DDX1: variants seen among roughly 807,000 people sequenced by gnomAD.
The protein encoded by DDX1 is ATP-dependent RNA helicase DDX1.
Under a neutral mutation model 108.7 loss-of-function variants are expected in DDX1, and 28 were observed. The ratio of observed to expected loss-of-function variants is 0.26; its 90% CI spans 0.19 to 0.35. The LOEUF is 0.35. DDX1 is among the 10% of genes least tolerant of loss of function. The probability of loss-of-function intolerance (pLI) is 1.00; values close to 1 mark genes in which losing one functional copy is unlikely to be tolerated. For synonymous variants in DDX1, 295 were observed against 288.9 expected, an observed-to-expected ratio of 1.02 and a Z score of -0.21; for missense variants, 710 against 884.5, an observed-to-expected ratio of 0.80 and a Z score of 2.50.
Position 15,591,931 on chromosome 2 carries a change from A to G in DDX1, c.-3A>G. 1 of 1,449,876 alleles carries G rather than the reference A, an allele frequency of 6.9e-7. No individual in the cohort carries two copies. Among genetic ancestry groups the G allele is most frequent in the Non-Finnish European group, 9.1e-7 (1 of 1,101,142 alleles). 89.8% of individuals were successfully genotyped at this position (1,449,876 alleles called of 1,614,324 possible). ...AGGCGAAGCCGCGGAGGACGGGGTGAAGATGGCGGCCTTCTCCGGTGCGTT... is the reference window on the plus strand; with the variant it reads ...AGGCGAAGCCGCGGAGGACGGGGTGGAGATGGCGGCCTTCTCCGGTGCGTT... On this transcript the variant is annotated 5_prime_UTR_variant, in exon 1 of 26. Coordinates refer to ENST00000233084, the MANE Select transcript of DDX1 (RefSeq NM_004939.3).
At position 15,611,458 on chromosome 2, in the gene DDX1, C is replaced by T. The variant is rs1193569324; in HGVS notation, c.957-1766C>T. On this transcript the variant is annotated intron_variant, in intron 13 of 25. Coordinates refer to ENST00000233084, the MANE Select transcript of DDX1 (RefSeq NM_004939.3). ...GGGGCTCCTCACCTCCCAGTAGGGA[C>T]GGCCGGGCAGAGGCTCCCCCCACCT... Among the ~76,000 whole-genome samples, 1,408 of 142,866 alleles carry T rather than the reference C, an allele frequency of 9.9e-3. 26 individuals carry two copies. Among genetic ancestry groups the T allele is most frequent in the East Asian group, 0.093 (329 of 3,546 alleles). 93.7% of individuals were successfully genotyped at this position (142,866 alleles called of 152,430 possible). A position where few individuals can be genotyped will look rare whatever the true frequency, so the allele number is the denominator to read the frequency against.
Position 15,617,241 on chromosome 2 carries a change from CA to C in DDX1, c.1018-2del. 6.5e-7 allele frequency: 1 copy of C among 1,526,932 alleles called. No individual in the cohort carries two copies. Among genetic ancestry groups the C allele is most frequent in the Non-Finnish European group, 8.9e-7 (1 of 1,126,924 alleles). 94.6% of individuals were successfully genotyped at this position (1,526,932 alleles called of 1,614,324 possible). A position where few individuals can be genotyped will look rare whatever the true frequency, so the allele number is the denominator to read the frequency against. On this transcript the variant is annotated splice_acceptor_variant, in intron 14 of 25. Coordinates refer to ENST00000233084, the MANE Select transcript of DDX1 (RefSeq NM_004939.3). LOFTEE classifies it high-confidence loss of function. ...ATTAAGTGGTTGGTTTGCTTTTTTT[CA>C]GGTAGATATAGTTGTAGGTACTCCG...
chr2:15,601,251 A>G (rs1665585187), intron 6 of DDX1, among the ~76,000 whole-genome samples: 1 of 152,126 alleles, frequency 6.6e-6, no homozygotes. Context: ...TAACAGACAC[A>G]TGTTTGTTTA....
Position 15,613,211 on chromosome 2 carries a change from A to C in DDX1, c.957-13A>C, listed in dbSNP as rs192321422. 6.3e-5 allele frequency: 98 copies of C among 1,559,822 alleles called. No homozygotes were observed. In the East Asian group the frequency reaches 1.9e-3, roughly 30 times the overall value. On this transcript the variant is annotated splice_polypyrimidine_tract_variant and intron_variant, in intron 13 of 25. Transcript: ENST00000233084. ...TTTTTTTTTTTATATTATCATCTTG[A>C]TATTTATTTCAGGGAGCTTCTGATA...
Position 15,608,288 on chromosome 2 carries a change from G to A in DDX1, c.956+975G>A, listed in dbSNP as rs138575695. 2.1e-4 allele frequency among the ~76,000 whole-genome samples: 32 copies of A among 152,224 alleles called. No homozygotes were observed. The East Asian group carries it at 6.0e-3, about 28-fold the overall frequency. Reference sequence around the variant, plus strand: ...TCACGCCTGTATTCCCAGTACTTTGGGGGGCCGAGGTGGGCGGTCACCTGA... The same window carrying A: ...TCACGCCTGTATTCCCAGTACTTTGAGGGGCCGAGGTGGGCGGTCACCTGA... On this transcript the variant is annotated intron_variant, in intron 13 of 25. Transcript: ENST00000233084.
chr2:15,596,669 G>A, intron 3 of DDX1, 65 bp from the exon 4 acceptor site: 2 of 1,323,574 alleles, frequency 1.5e-6, no homozygotes, highest in East Asian at 2.3e-5. Flanking sequence ...ACATACTATG[G>A]TGTTAGTTTG....
chr2:15,594,794 G>A (rs921129812), intron 1 of DDX1, among the ~76,000 whole-genome samples: 2 of 152,214 alleles, frequency 1.3e-5, no homozygotes, highest in African/African-American at 4.8e-5. Flanking sequence ...GAGGTAAACA[G>A]GCACTGTAGT....
At chr2:15,596,095 C>G (rs1665492770) in intron 3 of DDX1, among the ~76,000 whole-genome samples, 2 of 152,258 alleles carry the variant, frequency 1.3e-5, no homozygotes, top group South Asian at 4.2e-4. Flanking sequence ...CTATGCTGCC[C>G]AGTCTGGTCT....
chr2:15,612,082 G>A (rs1240610720), intron 13 of DDX1, among the ~76,000 whole-genome samples: 14 of 112,784 alleles, frequency 1.2e-4, no homozygotes, highest in Admixed American at 1.1e-3. Flanking sequence ...CGGCTGGCTG[G>A]CGGGGCCTGA....
rs1665660782 is a variant in DDX1, at chr2:15,606,271, T to C, written c.817+7T>C. On this transcript the variant is annotated splice_region_variant and intron_variant, in intron 12 of 25. Coordinates refer to ENST00000233084, the MANE Select transcript of DDX1 (RefSeq NM_004939.3). ...GTCAAATCACAGCACTCAGGTATTA[T>C]ACCTGCAAGGGTAAGGATTTCTAGA... 1 of 1,589,772 alleles carries C rather than the reference T, an allele frequency of 6.3e-7. No homozygotes were observed. Among genetic ancestry groups the C allele is most frequent in the Non-Finnish European group, 8.6e-7 (1 of 1,158,604 alleles).
chr2:15,623,409 G>A, intron 18 of DDX1, 27 bp from the exon 19 acceptor site: 4 of 1,609,778 alleles, frequency 2.5e-6, no homozygotes, highest in Non-Finnish European at 3.4e-6. Flanking sequence ...AATTCTGTTG[G>A]TTTTTGTTGT....
At chr2:15,592,189 T>G (rs1450548085) in intron 1 of DDX1, among the ~76,000 whole-genome samples, 3 of 152,232 alleles carry the variant, frequency 2.0e-5, no homozygotes, top group Non-Finnish European at 2.9e-5. Context: ...CTTTCCCTTC[T>G]ACCAGTCTCC....
At chr2:15,593,240 C>A in intron 1 of DDX1, among the ~76,000 whole-genome samples, 1 of 152,190 alleles carries the variant, frequency 6.6e-6, no homozygotes, top group Admixed American at 6.5e-5. Context: ...TAATAGGATT[C>A]AATTGGAAAC....
intron 21 of DDX1, 38 bp downstream of exon 21, chr2:15,628,555 A>T (rs1666139565): frequency 6.3e-7 from 1 of 1,598,402 alleles, no homozygotes; most frequent in Non-Finnish European, 8.6e-7. Context: ...TGTGATTGTT[A>T]CGGAATCTAA....
At chr2:15,620,623 CTT>C (rs994208207) in intron 17 of DDX1, among the ~76,000 whole-genome samples, 33 of 152,244 alleles carry the variant, frequency 2.2e-4, no homozygotes, top group Middle Eastern at 3.4e-3. Flanking sequence ...TTGATACAGT[CTT>C]TATAAGTAAA....
At position 15,591,886 on chromosome 2, in the gene DDX1, T is replaced by G. The variant is rs200240684; in HGVS notation, c.-48T>G. The G allele has an allele frequency of 2.0e-3, 2,989 of 1,467,124 alleles. 20 individuals carry two copies. Among genetic ancestry groups the G allele is most frequent in the Middle Eastern group, 0.018 (97 of 5,522 alleles). The allele number at this position is 1,467,124 out of a possible 1,614,324, so 90.9% of individuals were successfully genotyped here. ...CGCCGCCACTGCCACGCCGTGTCAG[T>G]CGGGAGGGAGGGAGCGAGCAGGCGA... On this transcript the variant is annotated 5_prime_UTR_variant, in exon 1 of 26. Transcript: ENST00000233084.
rs778327346 is a variant in DDX1 at position 15,620,414 on chromosome 2, T to C, written c.1395+18T>C. On this transcript the variant is annotated intron_variant, in intron 17 of 25. Coordinates refer to ENST00000233084, the MANE Select transcript of DDX1 (RefSeq NM_004939.3). ...ACATTAGAGTAAGTGGTTTATAATATTAACATTTATGTAGAATAAAGCAAT... is the reference window on the plus strand; with the variant it reads ...ACATTAGAGTAAGTGGTTTATAATACTAACATTTATGTAGAATAAAGCAAT... The C allele has an allele frequency of 1.9e-6, 3 of 1,590,222 alleles. No homozygotes were observed. Among genetic ancestry groups the C allele is most frequent in the Non-Finnish European group, 2.6e-6 (3 of 1,168,036 alleles).
intron 16 of DDX1, among the ~76,000 whole-genome samples, chr2:15,618,807 C>T (rs1665942783): frequency 6.6e-6 from 1 of 152,266 alleles, no homozygotes; most frequent in South Asian, 2.1e-4. Flanking sequence ...TTCGCTGGCG[C>T]CCAAAGGCTG....
chr2:15,611,918 AC>A (rs1167475891), intron 13 of DDX1, among the ~76,000 whole-genome samples: 4 of 75,338 alleles, frequency 5.3e-5, no homozygotes, highest in Admixed American at 1.3e-4. Context: ...CGGGGAGCTG[AC>A]CCCCCCACCT....
Sources: gnomAD v4.1 joint callset for allele counts (sites outside exome capture counted in the v4.1 genomes callset) on GRCh38, gnomAD v4.1.1 for gene constraint, MANE v1.5 for transcripts, NCBI Gene and HGNC (gene_info 2026-07-23, HGNC 2026-07-21) for gene names.